Variants in FER observed in about 807,000 individuals in gnomAD.
FER encodes FER tyrosine kinase.
FER carries 63 observed loss-of-function variants against 111.0 expected under a neutral mutation model. That is an observed-to-expected ratio of 0.57 (90% CI 0.46 to 0.70). The LOEUF is 0.70. FER is among the 30% of genes least tolerant of loss of function. The pLI is 0.00. For missense variants in FER, 914 were observed against 954.0 expected (o/e 0.96, Z 0.55); for synonymous variants, 327 against 313.9 (o/e 1.04, Z -0.44).
chr5:109,028,313 A>T (rs1052539089), intron 13 of FER, among the ~76,000 whole-genome samples: 1 of 152,244 alleles, frequency 6.6e-6, no homozygotes, highest in Non-Finnish European at 1.5e-5. Flanking sequence ...ATTCATTTGC[A>T]TAGAAATAAT....
In FER at chr5:108,930,976, G is replaced by A. The variant is rs73209335; in HGVS notation, c.1237-15154G>A. Among the ~76,000 whole-genome samples, 1,238 of 151,700 alleles carry A rather than the reference G, an allele frequency of 8.2e-3. 17 individuals carry two copies. Among genetic ancestry groups the A allele is most frequent in the African/African-American group, 0.028 (1,177 of 41,412 alleles). ...TATCAGTGTAGGGAAGGAAGAAAACGATTTGACTTAAATTACATTATAGAT... is the reference window on the plus strand; with the variant it reads ...TATCAGTGTAGGGAAGGAAGAAAACAATTTGACTTAAATTACATTATAGAT... On this transcript the variant is annotated intron_variant, in intron 10 of 19. Coordinates refer to ENST00000281092, the MANE Select transcript of FER (RefSeq NM_005246.4).
chr5:108,903,584 A>G (rs557605854), intron 10 of FER, among the ~76,000 whole-genome samples: 3 of 152,328 alleles, frequency 2.0e-5, no homozygotes, highest in East Asian at 1.9e-4. Context: ...GGAAATGAAT[A>G]TATACCTCTT....
intron 13 of FER, among the ~76,000 whole-genome samples, chr5:109,022,425 G>A (rs1768053711): frequency 6.6e-6 from 1 of 152,056 alleles, no homozygotes; most frequent in Non-Finnish European, 1.5e-5. Flanking sequence ...CAGGACCTGG[G>A]GAGACTTCTC....
At chr5:109,150,081 A>T (rs891656688) in intron 17 of FER, among the ~76,000 whole-genome samples, 1 of 151,814 alleles carries the variant, frequency 6.6e-6, no homozygotes, top group Non-Finnish European at 1.5e-5. Context: ...AAATATCCCC[A>T]CCGCCACCCC....
At chr5:109,137,947 G>A (rs544974345) in intron 17 of FER, among the ~76,000 whole-genome samples, 5 of 152,236 alleles carry the variant, frequency 3.3e-5, no homozygotes, top group South Asian at 4.1e-4. Flanking sequence ...ATTTTCTCCC[G>A]CAAGATGTAC....
At chr5:108,864,525 C>T (rs571604802) in intron 5 of FER, among the ~76,000 whole-genome samples, 21 of 152,204 alleles carry the variant, frequency 1.4e-4, no homozygotes, top group African/African-American at 3.9e-4. Context: ...GGGAGCCTGC[C>T]GTCAAAAATT....
chr5:109,111,741 A>C (rs994113461), intron 17 of FER, among the ~76,000 whole-genome samples: 3 of 152,006 alleles, frequency 2.0e-5, no homozygotes, highest in African/African-American at 7.2e-5. Context: ...AGAGAGAGAG[A>C]CTTTTAAACC....
intron 3 of FER, among the ~76,000 whole-genome samples, chr5:108,801,591 T>C (rs1449007908): frequency 6.6e-6 from 1 of 152,214 alleles, no homozygotes; most frequent in Non-Finnish European, 1.5e-5. Flanking sequence ...TAAGCACTTA[T>C]CACGTACTAT....
chr5:109,043,344 G>C (rs1220087712), intron 14 of FER, among the ~76,000 whole-genome samples: 1 of 152,088 alleles, frequency 6.6e-6, no homozygotes, highest in Non-Finnish European at 1.5e-5. Context: ...GAGAATAACA[G>C]ATGTGAAGCT....
intron 13 of FER, among the ~76,000 whole-genome samples, chr5:109,002,138 G>A (rs964742664): frequency 1.3e-5 from 2 of 150,994 alleles, no homozygotes; most frequent in African/African-American, 4.9e-5. Flanking sequence ...AGTTCATATG[G>A]AACCAAAAAA....
intron 13 of FER, among the ~76,000 whole-genome samples, chr5:109,007,138 A>G (rs1439757312): frequency 1.3e-5 from 2 of 152,190 alleles, no homozygotes; most frequent in African/African-American, 2.4e-5. Flanking sequence ...TACATTGTCT[A>G]TTGATATTGG....
At chr5:109,168,532 T>C (rs1756783339) in intron 17 of FER, among the ~76,000 whole-genome samples, 1 of 152,078 alleles carries the variant, frequency 6.6e-6, no homozygotes, top group African/African-American at 2.4e-5. Flanking sequence ...AGCTTCCAGA[T>C]AGCTAAAGAT....
At chr5:108,854,228 C>G (rs1057265620) in intron 5 of FER, among the ~76,000 whole-genome samples, 5 of 152,198 alleles carry the variant, frequency 3.3e-5, no homozygotes, top group African/African-American at 9.7e-5. Flanking sequence ...TAACATTGAA[C>G]TCACAACCAA....
At chr5:108,849,997 C>T (rs1360726961) in intron 5 of FER, among the ~76,000 whole-genome samples, 1 of 152,056 alleles carries the variant, frequency 6.6e-6, no homozygotes, top group African/African-American at 2.4e-5. Flanking sequence ...CAAGACCAGC[C>T]TGGCCAACAT....
At chr5:109,122,918 A>G (rs1252812977) in intron 17 of FER, among the ~76,000 whole-genome samples, 1 of 152,024 alleles carries the variant, frequency 6.6e-6, no homozygotes, top group Non-Finnish European at 1.5e-5. Flanking sequence ...TGCACGGAAT[A>G]TCTTTTTTCA....
At chr5:108,983,949 G>T (rs1397096971) in intron 13 of FER, among the ~76,000 whole-genome samples, 3 of 151,896 alleles carry the variant, frequency 2.0e-5, no homozygotes, top group Non-Finnish European at 4.4e-5. Context: ...TGCTTTCTTG[G>T]TTTCTTTCAT....
intron 16 of FER, chr5:109,051,596 C>G: frequency 6.3e-7 from 1 of 1,598,606 alleles, no homozygotes; most frequent in Non-Finnish European, 8.6e-7. Flanking sequence ...TCGCCATTAA[C>G]CAGCTTGTAC....
At chr5:108,793,268 G>A (rs1020112868) in intron 2 of FER, among the ~76,000 whole-genome samples, 2 of 152,054 alleles carry the variant, frequency 1.3e-5, no homozygotes, top group Admixed American at 6.6e-5. Flanking sequence ...TATAATGACT[G>A]TGTCTGGCTT....
intron 17 of FER, among the ~76,000 whole-genome samples, chr5:109,160,977 G>T (rs1755929871): frequency 1.3e-5 from 2 of 152,078 alleles, no homozygotes; most frequent in African/African-American, 4.8e-5. Context: ...GCCATTCTTA[G>T]CATAATGACC....
Sources: allele counts gnomAD v4.1 joint callset (sites outside exome capture counted in the v4.1 genomes callset), GRCh38; gene constraint gnomAD v4.1.1; transcripts MANE v1.5; gene names NCBI Gene and HGNC (gene_info 2026-07-23, HGNC 2026-07-21).